The following BANK1 variants were observed in gnomAD, a reference collection of about 807,000 sequenced individuals.
The protein encoded by BANK1 is B-cell scaffold protein with ankyrin repeats.
BANK1 carries 95 observed loss-of-function variants against 94.5 expected under a neutral mutation model. The observed-to-expected ratio is 1.00, with a 90% CI of 0.85 to 1.19. BANK1 has a LOEUF of 1.19. Among genes scored for constraint, BANK1 ranks in the 50% most tolerant of loss-of-function variants. The pLI is 0.00. For synonymous variants in BANK1, 334 were observed against 308.4 expected, an observed-to-expected ratio of 1.08 and a Z score of -0.87; for missense variants, 987 against 932.2, an observed-to-expected ratio of 1.06 and a Z score of -0.77.
intron 11 of BANK1, among the ~76,000 whole-genome samples, chr4:102,056,265 A>G (rs1482582315): frequency 6.6e-6 from 1 of 152,174 alleles, no homozygotes; most frequent in Non-Finnish European, 1.5e-5. Flanking sequence ...CTCAAAAATT[A>G]TATTTTTATG....
At chr4:101,831,486 T>G (rs1171610459) in intron 2 of BANK1, among the ~76,000 whole-genome samples, 1 of 152,168 alleles carries the variant, frequency 6.6e-6, no homozygotes, top group Non-Finnish European at 1.5e-5. Flanking sequence ...TTGTTTTGTT[T>G]TGTTTTGAGA....
intron 1 of BANK1, among the ~76,000 whole-genome samples, chr4:101,821,333 C>G (rs1443942981): frequency 6.6e-6 from 1 of 152,044 alleles, no homozygotes; most frequent in African/African-American, 2.4e-5. Context: ...GTTTAAGTTC[C>G]TTATAGGTGC....
At chr4:101,901,694 T>G (rs979158703) in intron 6 of BANK1, among the ~76,000 whole-genome samples, 2 of 151,776 alleles carry the variant, frequency 1.3e-5, no homozygotes, top group African/African-American at 4.8e-5. Context: ...AGGCAGATGA[T>G]AAAAAGCAAA....
At chr4:101,796,991 T>C (rs753911057) in intron 1 of BANK1, among the ~76,000 whole-genome samples, 1 of 152,166 alleles carries the variant, frequency 6.6e-6, no homozygotes, top group Non-Finnish European at 1.5e-5. Flanking sequence ...TTAATAAAAC[T>C]TTATATACAA....
At chr4:101,878,615 A>G (rs1225908062) in intron 5 of BANK1, among the ~76,000 whole-genome samples, 2 of 152,254 alleles carry the variant, frequency 1.3e-5, no homozygotes, top group Non-Finnish European at 1.5e-5. Flanking sequence ...CTTAATAAAT[A>G]TTTACAGAAT....
intron 7 of BANK1, among the ~76,000 whole-genome samples, chr4:102,005,833 G>A (rs942469414): frequency 6.6e-6 from 1 of 151,964 alleles, no homozygotes; most frequent in Non-Finnish European, 1.5e-5. Context: ...TTTGCACAAT[G>A]TCACAGAATT....
chr4:101,796,552 C>T (rs1318964651), intron 1 of BANK1, among the ~76,000 whole-genome samples: 1 of 151,922 alleles, frequency 6.6e-6, no homozygotes, highest in Non-Finnish European at 1.5e-5. Context: ...AGAGTCCTGC[C>T]TTTATTAGTG....
chr4:101,832,978 G>T (rs928289985), intron 2 of BANK1, among the ~76,000 whole-genome samples: 1 of 148,678 alleles, frequency 6.7e-6, no homozygotes, highest in Non-Finnish European at 1.5e-5. Flanking sequence ...GCTTGTTCAG[G>T]TTTCTTTCTT....
intron 7 of BANK1, among the ~76,000 whole-genome samples, chr4:101,957,337 C>G (rs1724382611): frequency 6.6e-6 from 1 of 152,174 alleles, no homozygotes; most frequent in East Asian, 1.9e-4. Flanking sequence ...CCTATGGCCC[C>G]TAGCTCCTGT....
chr4:101,873,982 A>ATTAATTTAAGT (rs1728396994), intron 5 of BANK1, among the ~76,000 whole-genome samples: 1 of 152,152 alleles, frequency 6.6e-6, no homozygotes, highest in African/African-American at 2.4e-5. Flanking sequence ...AGAACACAGT[A>ATTAATTTAAGT]ATTATTAATT....
chr4:102,024,313 T>C (rs1727007819), intron 8 of BANK1, among the ~76,000 whole-genome samples: 2 of 152,174 alleles, frequency 1.3e-5, no homozygotes. Flanking sequence ...GTTACAGAGG[T>C]TCCAAAGTCT....
intron 7 of BANK1, among the ~76,000 whole-genome samples, chr4:102,002,364 G>GA (rs34921784): frequency 0.021 from 2,912 of 141,406 alleles, 55 homozygotes; most frequent in African/African-American, 0.045. Context: ...TTCCTTTGTG[G>GA]AAAAAAAAAA....
At chr4:101,931,696 C>T (rs1723350088) in intron 7 of BANK1, among the ~76,000 whole-genome samples, 1 of 151,534 alleles carries the variant, frequency 6.6e-6, no homozygotes, top group Non-Finnish European at 1.5e-5. Context: ...ATCTCTATGA[C>T]ATTTTCTTCC....
At chr4:101,815,308 G>A (rs1725871543) in intron 1 of BANK1, among the ~76,000 whole-genome samples, 1 of 151,944 alleles carries the variant, frequency 6.6e-6, no homozygotes, top group Non-Finnish European at 1.5e-5. Flanking sequence ...GCCCCTCCAG[G>A]GTATTTGCCA....
intron 9 of BANK1, among the ~76,000 whole-genome samples, chr4:102,028,883 T>C (rs896619339): frequency 2.6e-5 from 4 of 152,000 alleles, no homozygotes; most frequent in Non-Finnish European, 5.9e-5. Context: ...CTACTTTCAG[T>C]GTCTTTCATC....
intron 7 of BANK1, among the ~76,000 whole-genome samples, chr4:101,926,363 G>T (rs1296550490): frequency 6.6e-6 from 1 of 151,482 alleles, no homozygotes; most frequent in African/African-American, 2.4e-5. Context: ...GACTTATTCT[G>T]CCTCTAAAAA....
chr4:101,902,008 C>A (rs1232518390), intron 6 of BANK1, among the ~76,000 whole-genome samples: 2 of 152,164 alleles, frequency 1.3e-5, no homozygotes, highest in South Asian at 2.1e-4. Flanking sequence ...GATCTGCCCA[C>A]CTCGGCCTCC....
intron 7 of BANK1, among the ~76,000 whole-genome samples, chr4:101,936,332 T>C (rs1037457924): frequency 5.0e-5 from 7 of 139,040 alleles, no homozygotes; most frequent in East Asian, 5.0e-4. Flanking sequence ...TATCCATACA[T>C]ATATATGTAC....
At position 101,870,570 on chromosome 4, in the gene BANK1, A is replaced by G. The variant is rs1299714609; in HGVS notation, c.829A>G (p.Ile277Val). The G allele has an allele frequency of 1.9e-6, 3 of 1,612,884 alleles. No homozygotes were observed. The African/African-American group carries it at 4.0e-5, about 22-fold the overall frequency. ...TGGAATCGTTAAAGCTACAACCAAA[A>G]TTAAGTACTACCCAACAGCAAAGGC... Reference protein sequence around the residue: ...CDGIVKATTKIKYYPTAKAKE... With the variant: ...CDGIVKATTKVKYYPTAKAKE... The change falls in exon 5 of 17, where the codon ATT becomes GTT. Residue 277 changes from isoleucine to valine, a missense_variant. Coordinates refer to ENST00000322953, the MANE Select transcript of BANK1 (RefSeq NM_017935.5).
Sources: gnomAD v4.1 joint callset for allele counts (sites outside exome capture counted in the v4.1 genomes callset) on GRCh38, gnomAD v4.1.1 for gene constraint, MANE v1.5 for transcripts, NCBI Gene and HGNC (gene_info 2026-07-23, HGNC 2026-07-21) for gene names.